The following PCSK5 variants were observed in gnomAD, a reference collection of about 807,000 sequenced individuals.
PCSK5 encodes the protein proprotein convertase subtilisin/kexin type 5, also known as prohormone convertase 5.
Under a neutral mutation model 233.2 loss-of-function variants are expected in PCSK5, and 129 were observed. The observed-to-expected ratio is 0.55, with a 90% confidence interval of 0.48 to 0.64. PCSK5 has a LOEUF of 0.64. Ranked by LOEUF, PCSK5 falls within the 30% of genes least tolerant of loss-of-function variation. PCSK5 has a pLI of 0.00. For missense variants in PCSK5, 2,076 were observed against 2,430.1 expected (o/e 0.85, Z 3.06); for synonymous variants, 825 against 879.2 (o/e 0.94, Z 1.09).
At chr9:75,915,534 C>T (rs578202143) in intron 1 of PCSK5, among the ~76,000 whole-genome samples, 65 of 152,210 alleles carry the variant, frequency 4.3e-4, no homozygotes, top group African/African-American at 1.5e-3. Context: ...AGTGACAGAC[C>T]GTTGGCATGT....
chr9:76,253,016 A>G (rs2131347451), intron 24 of PCSK5, among the ~76,000 whole-genome samples: 1 of 152,368 alleles, frequency 6.6e-6, no homozygotes, highest in South Asian at 2.1e-4. Context: ...GGTACCTTCC[A>G]AACCAAATAT....
At chr9:76,030,183 A>G (rs1018427435) in intron 5 of PCSK5, among the ~76,000 whole-genome samples, 2 of 152,042 alleles carry the variant, frequency 1.3e-5, no homozygotes, top group Non-Finnish European at 2.9e-5. Flanking sequence ...AGTTTACTTC[A>G]GTTTTCTGTT....
chr9:75,891,215 C>T lies in PCSK5; in HGVS notation c.34C>T (p.Arg12Cys), dbSNP rs764177534. Residue 12 changes from arginine to cysteine, a missense_variant, in exon 1 of 38, where the codon CGT becomes TGT. Physicochemically the swap from Arg to Cys is radical, Grantham distance 180. Transcript: ENST00000674117. ...GWGSRCCCPGRLDLLCVLALL... is the reference protein window; with the variant it reads ...GWGSRCCCPGCLDLLCVLALL... The stretch of plus-strand genomic sequence containing the variant: ...GGGGAGCCGCTGCTGCTGCCCGGGA[C>T]GTTTGGACCTGCTGTGCGTGCTGGC... The T allele has an allele frequency of 1.3e-5, 20 of 1,500,220 alleles. No homozygotes were observed. The highest frequency in any genetic ancestry group is 1.5e-5 in the Non-Finnish European group (17 of 1,134,674). The allele number at this position is 1,500,220 out of a possible 1,614,324, so 92.9% of individuals were successfully genotyped here. A position where few individuals can be genotyped will look rare whatever the true frequency, so the allele number is the denominator to read the frequency against.
chr9:76,295,007 A>G (rs1297680603), intron 25 of PCSK5, among the ~76,000 whole-genome samples: 2 of 152,058 alleles, frequency 1.3e-5, no homozygotes, highest in African/African-American at 4.8e-5. Context: ...TACAAAAATT[A>G]GCCAGGCATG....
At chr9:76,217,961 C>T (rs1013282514) in intron 20 of PCSK5, among the ~76,000 whole-genome samples, 21 of 152,172 alleles carry the variant, frequency 1.4e-4, no homozygotes, top group African/African-American at 4.8e-4. Flanking sequence ...TTATGTGCTC[C>T]ACCTCAATGA....
chr9:76,156,765 G>A (rs1822606051), intron 10 of PCSK5, among the ~76,000 whole-genome samples: 1 of 152,094 alleles, frequency 6.6e-6, no homozygotes, highest in Non-Finnish European at 1.5e-5. Flanking sequence ...GAAGATTGTT[G>A]GGAGAACTAA....
chr9:75,901,800 T>C (rs148282218), intron 1 of PCSK5, among the ~76,000 whole-genome samples: 2,909 of 152,312 alleles, frequency 0.019, 88 homozygotes, highest in Admixed American at 0.078. Flanking sequence ...GGTTATTTGC[T>C]GCTTGTCCTT....
At chr9:76,307,354 C>T (rs1011095600) in intron 28 of PCSK5, among the ~76,000 whole-genome samples, 2 of 152,126 alleles carry the variant, frequency 1.3e-5, no homozygotes, top group African/African-American at 4.8e-5. Flanking sequence ...GGTAAGATGT[C>T]AACATTGATT....
intron 2 of PCSK5, among the ~76,000 whole-genome samples, chr9:75,974,641 G>A (rs548072125): frequency 1.3e-5 from 2 of 152,222 alleles, no homozygotes; most frequent in South Asian, 2.1e-4. Context: ...CAAGTGTAAG[G>A]TTACAGTTCA....
At chr9:76,158,088 A>G (rs1029005442) in intron 11 of PCSK5, among the ~76,000 whole-genome samples, 2 of 152,230 alleles carry the variant, frequency 1.3e-5, no homozygotes, top group Admixed American at 1.3e-4. Context: ...ATTAGGAATA[A>G]AAAGGAGAAT....
rs386415165 is a variant in PCSK5 at position 76,159,816 on chromosome 9, C to CTTT, written c.1619+666_1619+668dup. 8.5e-3 allele frequency among the ~76,000 whole-genome samples: 827 copies of CTTT among 97,574 alleles called. 7 individuals are homozygous for CTTT. Among genetic ancestry groups the CTTT allele is most frequent in the Non-Finnish European group, 0.01 (526 of 50,924 alleles). 64.0% of individuals were successfully genotyped at this position (97,574 alleles called of 152,430 possible). A position where few individuals can be genotyped will look rare whatever the true frequency, so the allele number is the denominator to read the frequency against. On this transcript the variant is annotated intron_variant, in intron 12 of 37. Transcript: ENST00000674117. ...TGTTTTTAAGGTTGCCTCTTCAGTC[C>CTTT]TTTTTTTTTTTTTTTTTTTTTTTGA...
intron 10 of PCSK5, among the ~76,000 whole-genome samples, chr9:76,155,832 T>G (rs757955162): frequency 1.4e-4 from 21 of 151,620 alleles, no homozygotes; most frequent in Non-Finnish European, 2.5e-4. Context: ...CTTATAAGAG[T>G]AGGGCTTAAC....
At chr9:75,990,745 C>G (rs1167847964) in intron 3 of PCSK5, among the ~76,000 whole-genome samples, 1 of 152,206 alleles carries the variant, frequency 6.6e-6, no homozygotes, top group Non-Finnish European at 1.5e-5. Context: ...TATATCTAGC[C>G]TCTGCTCCCT....
intron 1 of PCSK5, among the ~76,000 whole-genome samples, chr9:75,892,580 G>A (rs1049777570): frequency 6.6e-6 from 1 of 152,208 alleles, no homozygotes; most frequent in African/African-American, 2.4e-5. Context: ...GGAAGGGAGA[G>A]GGAGGTGCTG....
chr9:76,174,405 C>T (rs955866348), intron 13 of PCSK5, among the ~76,000 whole-genome samples: 4 of 151,778 alleles, frequency 2.6e-5, no homozygotes, highest in Admixed American at 2.6e-4. Flanking sequence ...CTCCCAGGTT[C>T]AAGGGATTCT....
intron 12 of PCSK5, among the ~76,000 whole-genome samples, chr9:76,167,202 A>G (rs562006787): frequency 2.6e-5 from 4 of 151,542 alleles, no homozygotes; most frequent in African/African-American, 2.4e-5. Flanking sequence ...ACGCTCCTCT[A>G]TTTCGAGAGG....
chr9:76,349,980 A>AAG (rs1462068194), intron 35 of PCSK5, among the ~76,000 whole-genome samples: 1 of 152,116 alleles, frequency 6.6e-6, no homozygotes, highest in Non-Finnish European at 1.5e-5. Flanking sequence ...ATGTGGTGGA[A>AAG]AGAGCACCTC....
chr9:76,130,189 C>A (rs1231767044), intron 9 of PCSK5, among the ~76,000 whole-genome samples: 1 of 152,048 alleles, frequency 6.6e-6, no homozygotes, highest in African/African-American at 2.4e-5. Context: ...ACCTGCATAA[C>A]AAATTAAGAC....
rs561256107 is a variant in PCSK5 at position 76,283,144 on chromosome 9, A to C, written c.3143-9089A>C. On this transcript the variant is annotated intron_variant, in intron 24 of 37. Coordinates refer to ENST00000674117, the MANE Select transcript of PCSK5 (RefSeq NM_001372043.1). ...GATGCTGTGAACATTGTTGAAATGAAAACAAATGATTTAGAATATTACATA... is the reference window on the plus strand; with the variant it reads ...GATGCTGTGAACATTGTTGAAATGACAACAAATGATTTAGAATATTACATA... Among the ~76,000 whole-genome samples the C allele has an allele frequency of 8.2e-4, 125 of 152,366 alleles. 1 individual carries two copies. The Middle Eastern group carries it at 0.01, about 12-fold the overall frequency.
Sources: allele counts gnomAD v4.1 joint callset (sites outside exome capture counted in the v4.1 genomes callset), GRCh38; gene constraint gnomAD v4.1.1; transcripts MANE v1.5; gene names NCBI Gene and HGNC (gene_info 2026-07-23, HGNC 2026-07-21).